Variants in EXOC6B observed in about 807,000 individuals in gnomAD.
EXOC6B encodes SEC15 homolog B.
In EXOC6B, 54 loss-of-function variants were observed where a neutral mutation model predicts 113.5. The observed-to-expected ratio is 0.48, with a 90% CI of 0.38 to 0.60. The LOEUF (loss-of-function observed/expected upper bound fraction) is 0.60, where lower values mean the gene tolerates loss of function less well. EXOC6B is among the 20% of genes least tolerant of loss of function. The pLI is 0.00. For missense variants in EXOC6B, 797 were observed against 977.5 expected (o/e 0.82, Z 2.46); for synonymous variants, 357 against 339.0 (o/e 1.05, Z -0.58).
chr2:72,497,864 C>T (rs1700118252), intron 13 of EXOC6B, among the ~76,000 whole-genome samples: 1 of 152,048 alleles, frequency 6.6e-6, no homozygotes, highest in Non-Finnish European at 1.5e-5. Flanking sequence ...GAGCACAGTT[C>T]GAGAAGACAT....
chr2:72,630,236 A>G (rs1468014063), intron 6 of EXOC6B, among the ~76,000 whole-genome samples: 1 of 152,154 alleles, frequency 6.6e-6, no homozygotes, highest in Non-Finnish European at 1.5e-5. Flanking sequence ...TCTAACATGC[A>G]TCATCCTCTA....
chr2:72,605,328 T>TA (rs912662348), intron 6 of EXOC6B, among the ~76,000 whole-genome samples: 18 of 151,648 alleles, frequency 1.2e-4, no homozygotes, highest in African/African-American at 3.9e-4. Context: ...ATCTCCAACT[T>TA]ACAGAGTGGA....
At chr2:72,313,923 TG>T (rs2104801899) in intron 20 of EXOC6B, among the ~76,000 whole-genome samples, 1 of 152,266 alleles carries the variant, frequency 6.6e-6, no homozygotes, top group African/African-American at 2.4e-5. Context: ...AGTGAGCTGT[TG>T]CCAGATGCCC....
chr2:72,644,491 T>A (rs139883936), intron 6 of EXOC6B, among the ~76,000 whole-genome samples: 5,168 of 152,158 alleles, frequency 0.034, 292 homozygotes, highest in African/African-American at 0.12. Flanking sequence ...AATTGTCAGA[T>A]TCACCAAAGT....
At chr2:72,347,889 G>A (rs1220701068) in intron 19 of EXOC6B, among the ~76,000 whole-genome samples, 2 of 151,982 alleles carry the variant, frequency 1.3e-5, no homozygotes, top group Admixed American at 6.6e-5. Flanking sequence ...ACAAGGAAAG[G>A]GCACTATCAA....
intron 12 of EXOC6B, 80 bp downstream of exon 12, chr2:72,499,821 A>C: frequency 1.0e-6 from 1 of 997,836 alleles, no homozygotes; most frequent in Non-Finnish European, 1.5e-6. Flanking sequence ...GGCAAAAGCC[A>C]CCAGACCCAG....
chr2:72,684,315 C>T (rs1368950042), intron 6 of EXOC6B, among the ~76,000 whole-genome samples: 1 of 152,116 alleles, frequency 6.6e-6, no homozygotes, highest in Non-Finnish European at 1.5e-5. Flanking sequence ...GATAACACTA[C>T]ACACCCACCA....
intron 12 of EXOC6B, among the ~76,000 whole-genome samples, chr2:72,499,428 A>G (rs1410881437): frequency 6.6e-6 from 1 of 151,612 alleles, no homozygotes; most frequent in East Asian, 1.9e-4. Context: ...ACAGGGTTTC[A>G]CCATGTTGGC....
At chr2:72,318,574 T>C (rs1034517846) in intron 20 of EXOC6B, among the ~76,000 whole-genome samples, 2 of 152,178 alleles carry the variant, frequency 1.3e-5, no homozygotes, top group African/African-American at 4.8e-5. Flanking sequence ...GTACTATTAG[T>C]AGAAACTGGG....
In EXOC6B at chr2:72,669,677, T is replaced by C. The variant is rs111796952; in HGVS notation, c.669+48426A>G. On this transcript the variant is annotated intron_variant, in intron 6 of 21. Coordinates refer to ENST00000272427, the MANE Select transcript of EXOC6B (RefSeq NM_015189.3). ...TATCGCACTTTAAACTAGGGATCTC[T>C]ATACAGTCTGTGTGTTGCGGGAAAG... Among the ~76,000 whole-genome samples the C allele has an allele frequency of 5.6e-4, 85 of 152,358 alleles. 1 individual carries two copies. Among genetic ancestry groups the C allele is most frequent in the African/African-American group, 1.9e-3 (77 of 41,584 alleles).
chr2:72,750,427 G>A (rs915499078), intron 1 of EXOC6B, among the ~76,000 whole-genome samples: 2 of 151,948 alleles, frequency 1.3e-5, no homozygotes, highest in African/African-American at 4.8e-5. Flanking sequence ...AATCACCTCT[G>A]ACCTAATGCT....
chr2:72,421,446 T>A (rs935859389), intron 18 of EXOC6B, among the ~76,000 whole-genome samples: 3 of 152,192 alleles, frequency 2.0e-5, no homozygotes, highest in Non-Finnish European at 4.4e-5. Context: ...TCAGATAAAT[T>A]TCACCTACTT....
In EXOC6B at chr2:72,310,850, A is replaced by AACACAC. The variant is rs375159478; in HGVS notation, c.2196+24091_2196+24096dup. 2.0e-3 allele frequency among the ~76,000 whole-genome samples: 238 copies of AACACAC among 120,354 alleles called. 1 individual carries two copies. Among genetic ancestry groups the AACACAC allele is most frequent in the Admixed American group, 3.9e-3 (50 of 12,824 alleles). 79.0% of individuals were successfully genotyped at this position (120,354 alleles called of 152,430 possible). A position where few individuals can be genotyped will look rare whatever the true frequency, so the allele number is the denominator to read the frequency against. On this transcript the variant is annotated intron_variant, in intron 20 of 21. Transcript: ENST00000272427. Reference sequence around the variant, plus strand: ...GCATTTTACATGTGTTATTTCATTTAACACACACACACACACACACACACA... The same window carrying AACACAC: ...GCATTTTACATGTGTTATTTCATTTAACACACACACACACACACACACACACACACA...
At chr2:72,813,238 T>C (rs1325982713) in intron 1 of EXOC6B, among the ~76,000 whole-genome samples, 2 of 152,034 alleles carry the variant, frequency 1.3e-5, no homozygotes, top group Non-Finnish European at 2.9e-5. Context: ...CTATAGTGCA[T>C]GCCACGATGC....
chr2:72,474,748 G>A (rs1413647165), intron 17 of EXOC6B, among the ~76,000 whole-genome samples: 4 of 151,884 alleles, frequency 2.6e-5, no homozygotes, highest in Non-Finnish European at 5.9e-5. Context: ...TTCTTTTTCT[G>A]AGATTTCATT....
chr2:72,311,346 C>T (rs1687170922), intron 20 of EXOC6B, among the ~76,000 whole-genome samples: 1 of 152,024 alleles, frequency 6.6e-6, no homozygotes, highest in Non-Finnish European at 1.5e-5. Context: ...AATTGAGATC[C>T]CCATTTCCTT....
chr2:72,461,253 A>C (rs1456349403), intron 18 of EXOC6B, among the ~76,000 whole-genome samples: 1 of 150,312 alleles, frequency 6.7e-6, no homozygotes, highest in East Asian at 2.0e-4. Flanking sequence ...GATATACCTA[A>C]TGCTAAATGA....
chr2:72,811,284 T>C (rs549707335), intron 1 of EXOC6B, among the ~76,000 whole-genome samples: 1 of 152,136 alleles, frequency 6.6e-6, no homozygotes, highest in Non-Finnish European at 1.5e-5. Flanking sequence ...GCACTCCAGC[T>C]GGGTGACAGA....
intron 20 of EXOC6B, among the ~76,000 whole-genome samples, chr2:72,232,457 T>C (rs1421698147): frequency 2.0e-5 from 3 of 152,200 alleles, no homozygotes; most frequent in Non-Finnish European, 4.4e-5. Context: ...GTAATTCTTC[T>C]TCTGGGAATT....
Sources: allele counts gnomAD v4.1 joint callset (sites outside exome capture counted in the v4.1 genomes callset), GRCh38; gene constraint gnomAD v4.1.1; transcripts MANE v1.5; gene names NCBI Gene and HGNC (gene_info 2026-07-23, HGNC 2026-07-21).